The following DPY19L2 variants were observed in gnomAD, a reference collection of about 807,000 sequenced individuals.
DPY19L2 encodes the protein probable C-mannosyltransferase DPY19L2.
DPY19L2 carries 34 observed loss-of-function variants against 97.9 expected under a neutral mutation model. The observed-to-expected ratio is 0.35, with a 90% CI of 0.26 to 0.46. The LOEUF (loss-of-function observed/expected upper bound fraction) is 0.46, where lower values mean the gene tolerates loss of function less well. Among genes scored for constraint, DPY19L2 ranks in the 20% least tolerant of loss-of-function variants. DPY19L2 has a pLI of 1.00. For missense variants in DPY19L2, 623 were observed against 911.4 expected, an observed-to-expected ratio of 0.68 and a Z score of 4.07; for synonymous variants, 230 against 307.9, an observed-to-expected ratio of 0.75 and a Z score of 2.65.
Position 63,596,324 on chromosome 12 carries a change from T to C in DPY19L2, c.1462-287A>G, listed in dbSNP as rs556413653. Among the ~76,000 whole-genome samples the C allele has an allele frequency of 3.1e-3, 472 of 152,284 alleles. 3 individuals carry two copies. Among genetic ancestry groups the C allele is most frequent in the African/African-American group, 0.01 (428 of 41,566 alleles). On this transcript the variant is annotated intron_variant, in intron 14 of 21. Transcript: ENST00000324472. ...TCTTTTCTGTTTTTTATTTACATAA[T>C]ACTAAGTTTTAAAATGTGTGTCTAC...
At chr12:63,635,777 A>G (rs1388242170) in intron 6 of DPY19L2, among the ~76,000 whole-genome samples, 2 of 152,218 alleles carry the variant, frequency 1.3e-5, no homozygotes, top group African/African-American at 4.8e-5. Context: ...ATGGCACTAT[A>G]TGAAAAGACC....
At chr12:63,610,955 G>T in intron 11 of DPY19L2, among the ~76,000 whole-genome samples, 1 of 135,678 alleles carries the variant, frequency 7.4e-6, no homozygotes, top group Non-Finnish European at 1.6e-5. Flanking sequence ...AAATACAAAT[G>T]TCCAACAGGT....
chr12:63,649,607 A>G (rs1402557376), intron 4 of DPY19L2, among the ~76,000 whole-genome samples: 2 of 152,118 alleles, frequency 1.3e-5, no homozygotes. Context: ...GGAAATATAT[A>G]ACCTCCAAAG....
At chr12:63,565,659 C>T (rs1331530717) in intron 21 of DPY19L2, among the ~76,000 whole-genome samples, 3 of 152,112 alleles carry the variant, frequency 2.0e-5, no homozygotes, top group African/African-American at 4.8e-5. Context: ...CAGCCTACCA[C>T]AAGTCCATTT....
intron 5 of DPY19L2, among the ~76,000 whole-genome samples, chr12:63,646,428 T>A (rs1233065977): frequency 4.6e-5 from 7 of 152,244 alleles, no homozygotes; most frequent in South Asian, 2.1e-4. Context: ...ATTCTATTTT[T>A]ACTGAGGGAA....
rs146876165 is a variant in DPY19L2, at chr12:63,624,183, T to C, written c.862-52A>G. On this transcript the variant is annotated intron_variant, in intron 7 of 21. Transcript: ENST00000324472. ...CATCCTATTTACTACAACAAACATATTAAAAAACCAGGGGTGAGTTTGTTT... is the reference window on the plus strand; with the variant it reads ...CATCCTATTTACTACAACAAACATACTAAAAAACCAGGGGTGAGTTTGTTT... 23,685 of 1,355,288 alleles carry C rather than the reference T, an allele frequency of 0.017. 292 individuals are homozygous for C. Among genetic ancestry groups the C allele is most frequent in the Middle Eastern group, 0.021 (80 of 3,876 alleles). 84.0% of individuals were successfully genotyped at this position (1,355,288 alleles called of 1,614,324 possible). A position where few individuals can be genotyped will look rare whatever the true frequency, so the allele number is the denominator to read the frequency against.
intron 6 of DPY19L2, among the ~76,000 whole-genome samples, chr12:63,632,405 T>C (rs1890855240): frequency 1.3e-5 from 2 of 152,178 alleles, no homozygotes; most frequent in African/African-American, 4.8e-5. Flanking sequence ...ATCACAACCA[T>C]TCCTATACAC....
chr12:63,604,784 T>A (rs556728526), intron 12 of DPY19L2, among the ~76,000 whole-genome samples: 1 of 152,172 alleles, frequency 6.6e-6, no homozygotes, highest in Non-Finnish European at 1.5e-5. Context: ...GTTTTTATGA[T>A]GACTGCTTTA....
Position 63,587,557 on chromosome 12 carries a change from A to ATTATTATTATTATT in DPY19L2, c.1581-3722_1581-3721insAATAATAATAATAA, listed in dbSNP as rs1882004302. 5.4e-4 allele frequency among the ~76,000 whole-genome samples: 73 copies of ATTATTATTATTATT among 136,236 alleles called. 1 individual carries two copies. Among genetic ancestry groups the ATTATTATTATTATT allele is most frequent in the African/African-American group, 2.0e-3 (73 of 35,790 alleles). 89.4% of individuals were successfully genotyped at this position (136,236 alleles called of 152,430 possible). ...AAGAAACTAGTTAGACATTTTTAAA[A>ATTATTATTATTATT]ATTATTATTATTATTATTATTATTA... On this transcript the variant is annotated intron_variant, in intron 16 of 21. Transcript: ENST00000324472.
At chr12:63,633,171 T>G (rs538521143) in intron 6 of DPY19L2, among the ~76,000 whole-genome samples, 37 of 152,244 alleles carry the variant, frequency 2.4e-4, no homozygotes, top group African/African-American at 8.7e-4. Flanking sequence ...ACTTCATGAC[T>G]AAAGCACCAA....
chr12:63,562,852 A>G (rs1876871695), intron 21 of DPY19L2, among the ~76,000 whole-genome samples: 1 of 150,482 alleles, frequency 6.6e-6, no homozygotes, highest in Non-Finnish European at 1.5e-5. Context: ...GTGGAGTGCA[A>G]CGGCACAATC....
At chr12:63,629,591 T>C (rs2137910269) in intron 6 of DPY19L2, among the ~76,000 whole-genome samples, 1 of 152,276 alleles carries the variant, frequency 6.6e-6, no homozygotes, top group East Asian at 1.9e-4. Flanking sequence ...TACGTCTGAT[T>C]GGTGTACCTG....
chr12:63,627,302 A>C (rs1889721880), intron 6 of DPY19L2, among the ~76,000 whole-genome samples: 1 of 152,132 alleles, frequency 6.6e-6, no homozygotes, highest in Non-Finnish European at 1.5e-5. Flanking sequence ...GAATACAAAA[A>C]TCAGATGAAA....
intron 21 of DPY19L2, among the ~76,000 whole-genome samples, chr12:63,566,858 T>C (rs1333567589): frequency 6.6e-6 from 1 of 152,060 alleles, no homozygotes; most frequent in Non-Finnish European, 1.5e-5. Context: ...TTTTTCCCCT[T>C]TTACTTTTAC....
chr12:63,668,244 G>A lies in DPY19L2; in HGVS notation c.150C>T (p.Gly50=). ...TCCTCCCCGGGGAGGACCTCCAGGA[G>A]CCCCTTGGCAGTTTCCCGCCGCCTA... The part of the protein sequence containing the change: ...SALGGGKLPR[G]SWRSSPGRIQ... The change falls in exon 1 of 22, where the codon GGC becomes GGT. Residue 50 remains glycine (G), a synonymous_variant. Coordinates refer to ENST00000324472, the MANE Select transcript of DPY19L2 (RefSeq NM_173812.5). The A allele has an allele frequency of 6.2e-7, 1 of 1,613,780 alleles. No homozygotes were observed. Among genetic ancestry groups the A allele is most frequent in the Non-Finnish European group, 8.5e-7 (1 of 1,179,838 alleles).
chr12:63,662,099 A>C (rs1264730781), intron 3 of DPY19L2, among the ~76,000 whole-genome samples: 1 of 152,190 alleles, frequency 6.6e-6, no homozygotes, highest in African/African-American at 2.4e-5. Flanking sequence ...AGCATATAAA[A>C]TAAAGGCTTC....
At chr12:63,653,058 CAG>C (rs59283377) in intron 4 of DPY19L2, among the ~76,000 whole-genome samples, 2,713 of 152,064 alleles carry the variant, frequency 0.018, 101 homozygotes, top group African/African-American at 0.062. Context: ...AGGAGAATGG[CAG>C]AGATAGAAGA....
At chr12:63,656,497 T>C (rs1344214407) in intron 4 of DPY19L2, among the ~76,000 whole-genome samples, 4 of 152,190 alleles carry the variant, frequency 2.6e-5, no homozygotes, top group Non-Finnish European at 5.9e-5. Flanking sequence ...TGCATATGCA[T>C]GTTTGGTTTG....
chr12:63,663,618 T>C, intron 3 of DPY19L2, 140 bp downstream of exon 3: 1 of 670,428 alleles, frequency 1.5e-6, no homozygotes, highest in South Asian at 2.1e-5. Flanking sequence ...AACACTTTAC[T>C]ATTTAAATAA....
Sources: allele counts gnomAD v4.1 joint callset (sites outside exome capture counted in the v4.1 genomes callset), GRCh38; gene constraint gnomAD v4.1.1; transcripts MANE v1.5; gene names NCBI Gene and HGNC (gene_info 2026-07-23, HGNC 2026-07-21).